The following FAM110B variants were observed in gnomAD, a reference collection of about 807,000 sequenced individuals.
FAM110B encodes the protein protein FAM110B.
A neutral mutation model predicts 20.4 loss-of-function variants in FAM110B; 6 were observed. That is an observed-to-expected ratio of 0.29 (90% CI 0.16 to 0.58). FAM110B has a LOEUF of 0.58. FAM110B is among the 20% of genes least tolerant of loss of function. The probability of loss-of-function intolerance (pLI) is 0.90; values close to 1 mark genes in which losing one functional copy is unlikely to be tolerated. For synonymous variants in FAM110B, 226 were observed against 214.1 expected (o/e 1.06, Z -0.49); for missense variants, 434 against 498.2 (o/e 0.87, Z 1.23).
chr8:58,133,455 G>A (rs1803533685), intron 3 of FAM110B, among the ~76,000 whole-genome samples: 1 of 152,206 alleles, frequency 6.6e-6, no homozygotes, highest in African/African-American at 2.4e-5. Context: ...CCCATCCTTG[G>A]GGAAGGAGGG....
At chr8:58,061,896 A>C (rs1805664782) in intron 2 of FAM110B, among the ~76,000 whole-genome samples, 1 of 152,248 alleles carries the variant, frequency 6.6e-6, no homozygotes, top group South Asian at 2.1e-4. Flanking sequence ...GGGTCCATAA[A>C]GCATACATTG....
At chr8:58,069,407 C>T (rs1805841223) in intron 2 of FAM110B, among the ~76,000 whole-genome samples, 2 of 152,154 alleles carry the variant, frequency 1.3e-5, no homozygotes. Context: ...AGGGTCACAG[C>T]GCTAGGTAAT....
intron 3 of FAM110B, among the ~76,000 whole-genome samples, chr8:58,114,895 C>G (rs898920867): frequency 2.0e-5 from 3 of 152,146 alleles, no homozygotes; most frequent in African/African-American, 7.2e-5. Flanking sequence ...ATCTCAGCCC[C>G]GTGTTGTGTT....
intron 2 of FAM110B, among the ~76,000 whole-genome samples, chr8:58,043,027 G>A (rs899030547): frequency 6.6e-6 from 1 of 152,310 alleles, no homozygotes; most frequent in East Asian, 1.9e-4. Context: ...GTGGGAGTGC[G>A]ATGCACCAGG....
intron 2 of FAM110B, among the ~76,000 whole-genome samples, chr8:58,061,505 G>C (rs548422260): frequency 6.6e-6 from 1 of 152,290 alleles, no homozygotes; most frequent in South Asian, 2.1e-4. Context: ...AATTAAAATA[G>C]CTTCTCCTGA....
intron 3 of FAM110B, among the ~76,000 whole-genome samples, chr8:58,131,025 C>T (rs1301629578): frequency 6.6e-6 from 1 of 152,196 alleles, no homozygotes; most frequent in Non-Finnish European, 1.5e-5. Context: ...CATATAGGCA[C>T]AGGCCCCATC....
intron 2 of FAM110B, among the ~76,000 whole-genome samples, chr8:58,038,245 C>T (rs981427041): frequency 6.6e-6 from 1 of 152,156 alleles, no homozygotes; most frequent in Non-Finnish European, 1.5e-5. Context: ...GAGCTGCCAT[C>T]ACTCCTCATC....
intron 3 of FAM110B, among the ~76,000 whole-genome samples, chr8:58,091,875 G>C (rs954199964): frequency 6.6e-6 from 1 of 152,062 alleles, no homozygotes. Flanking sequence ...CCAGCCCTCT[G>C]GCTAGTTCCA....
intron 1 of FAM110B, among the ~76,000 whole-genome samples, chr8:58,013,846 AG>A (rs1156874201): frequency 6.6e-6 from 1 of 152,178 alleles, no homozygotes; most frequent in Non-Finnish European, 1.5e-5. Flanking sequence ...TTGGAAAATA[AG>A]GTCACTTCTC....
chr8:58,066,522 GTGTC>G (rs1563356872), intron 2 of FAM110B, among the ~76,000 whole-genome samples: 1 of 152,194 alleles, frequency 6.6e-6, no homozygotes, highest in East Asian at 1.9e-4. Context: ...AGCTGAGTAA[GTGTC>G]TGGTATGCCA....
At chr8:57,995,566 G>T (rs1269931704) in intron 1 of FAM110B, among the ~76,000 whole-genome samples, 1 of 152,164 alleles carries the variant, frequency 6.6e-6, no homozygotes, top group Non-Finnish European at 1.5e-5. Context: ...GCCCAGCCTG[G>T]TGCCCTCCTA....
chr8:58,011,930 G>A (rs1338558889), intron 1 of FAM110B, among the ~76,000 whole-genome samples: 2 of 152,298 alleles, frequency 1.3e-5, no homozygotes, highest in African/African-American at 2.4e-5. Flanking sequence ...TGACTGAGTA[G>A]CCCTCACGTC....
chr8:57,998,942 A>G (rs1804238692), intron 1 of FAM110B, among the ~76,000 whole-genome samples: 1 of 152,164 alleles, frequency 6.6e-6, no homozygotes. Context: ...TACTTATGGG[A>G]AGAAGGGATT....
intron 1 of FAM110B, among the ~76,000 whole-genome samples, chr8:58,005,472 G>A (rs950999955): frequency 6.6e-6 from 1 of 152,176 alleles, no homozygotes; most frequent in African/African-American, 2.4e-5. Context: ...CATACTTATG[G>A]CACTGATGAA....
intron 3 of FAM110B, among the ~76,000 whole-genome samples, chr8:58,121,003 A>T (rs1389074505): frequency 6.6e-6 from 1 of 152,204 alleles, no homozygotes; most frequent in Non-Finnish European, 1.5e-5. Flanking sequence ...TTTGAATATA[A>T]AGGGATGTAA....
intron 1 of FAM110B, among the ~76,000 whole-genome samples, chr8:58,000,463 T>A (rs1306873823): frequency 6.6e-6 from 1 of 152,258 alleles, no homozygotes; most frequent in Admixed American, 6.5e-5. Flanking sequence ...AATATTTGTG[T>A]ATTCTTCTTC....
intron 3 of FAM110B, among the ~76,000 whole-genome samples, chr8:58,125,941 A>T (rs929361543): frequency 1.3e-5 from 2 of 152,208 alleles, no homozygotes; most frequent in Non-Finnish European, 2.9e-5. Flanking sequence ...TAATTATAGT[A>T]CAGTATCAAA....
intron 3 of FAM110B, among the ~76,000 whole-genome samples, chr8:58,110,471 G>A (rs1807032725): frequency 6.6e-6 from 1 of 151,980 alleles, no homozygotes; most frequent in Admixed American, 6.6e-5. Flanking sequence ...GTATGTATTA[G>A]GATCATAGTT....
chr8:58,005,979 A>AT (rs924413861), intron 1 of FAM110B, among the ~76,000 whole-genome samples: 23 of 150,692 alleles, frequency 1.5e-4, no homozygotes, highest in South Asian at 2.1e-4. Context: ...GCTCTTTATC[A>AT]TTTTTTTTTC....
Sources: gnomAD v4.1 joint callset for allele counts (sites outside exome capture counted in the v4.1 genomes callset) on GRCh38, gnomAD v4.1.1 for gene constraint, MANE v1.5 for transcripts, NCBI Gene and HGNC (gene_info 2026-07-23, HGNC 2026-07-21) for gene names.